The following ZC3H11B variants were observed in gnomAD, a reference collection of about 807,000 sequenced individuals.
ZC3H11B encodes zinc finger CCCH domain-containing protein 11B.
ZC3H11B carries 3 observed loss-of-function variants against 34.0 expected under a neutral mutation model. The observed-to-expected ratio is 0.09, with a 90% CI of 0.04 to 0.23. ZC3H11B has a LOEUF of 0.23. Ranked by LOEUF, ZC3H11B falls within the 10% of genes least tolerant of loss-of-function variation. ZC3H11B has a pLI of 1.00. For synonymous variants in ZC3H11B, 33 were observed against 250.1 expected (o/e 0.13, Z 8.19); for missense variants, 99 against 660.1 (o/e 0.15, Z 9.31).
exon 2 of ZC3H11B, chr1:219,608,329 C>G (rs1667947775): frequency 6.6e-6 from 1 of 152,658 alleles, no homozygotes; most frequent in African/African-American, 2.4e-5. Flanking sequence ...ACTTGAAGTT[C>G]AACTCTTGAT....
exon 2 of ZC3H11B, among the ~76,000 whole-genome samples, chr1:219,608,070 G>A (rs1444027169): frequency 6.6e-6 from 1 of 151,904 alleles, no homozygotes; most frequent in Non-Finnish European, 1.5e-5. Flanking sequence ...TATACAAAAG[G>A]GACCTGGAAT....
At chr1:219,609,875 G>C (rs1476726331) in exon 2 of ZC3H11B, 1 of 1,614,058 alleles carries the variant, frequency 6.2e-7, no homozygotes, top group South Asian at 1.1e-5. Context: ...TGGGTTGGAG[G>C]CAGCACAAGA....
At chr1:219,612,747 G>GAAGATGTCAA (rs1668017941) in intron 1 of ZC3H11B, 184 bp from the exon 2 acceptor site, 1 of 297,962 alleles carries the variant, frequency 3.4e-6, no homozygotes, top group Admixed American at 5.5e-5. Flanking sequence ...AGATGGCCTG[G>GAAGATGTCAA]AAGATGTCAA....
exon 1 of ZC3H11B, chr1:219,612,965 T>C (rs1360449902): frequency 1.3e-5 from 3 of 235,650 alleles, no homozygotes; most frequent in African/African-American, 8.2e-5. Flanking sequence ...TATGTGGAGT[T>C]TGAGACAAGC....
exon 2 of ZC3H11B, chr1:219,608,896 A>G (rs1425604352): frequency 6.6e-6 from 1 of 152,670 alleles, no homozygotes. Flanking sequence ...TCATGTCACC[A>G]TCTCATATAA....
chr1:219,612,784 C>T (rs1187777851), intron 1 of ZC3H11B, 147 bp downstream of exon 1: 9 of 335,994 alleles, frequency 2.7e-5, no homozygotes, highest in Non-Finnish European at 4.6e-5. Flanking sequence ...CACAGGAATC[C>T]GCACCAATTA....
At chr1:219,609,887 T>C (rs1450632465) in exon 2 of ZC3H11B, 1 of 1,614,060 alleles carries the variant, frequency 6.2e-7, no homozygotes, top group African/African-American at 1.3e-5. Flanking sequence ...AGCACAAGAC[T>C]GTCTCTAGGA....
At position 219,610,043 on chromosome 1, in the gene ZC3H11B, C is replaced by A. The variant is rs1667977880; in HGVS notation, c.2020G>T (p.Glu674Ter). The A allele has an allele frequency of 7.6e-7, 1 of 1,311,006 alleles. No homozygotes were observed. The highest frequency in any genetic ancestry group is 1.6e-5 in the African/African-American group (1 of 63,706). The allele number at this position is 1,311,006 out of a possible 1,614,324, so 81.2% of individuals were successfully genotyped here. The change falls in exon 2 of 2, where the codon GAG becomes TAG. Residue 674 changes from glutamate (E) to a stop codon, truncating the protein, a stop_gained. Coordinates refer to ENST00000651890, the Ensembl canonical transcript of ZC3H11B. LOFTEE classifies it high-confidence loss of function. ...GCGGCAGTGACAGCAGGGTGCATCT[C>A]CACTGCCTTACGTTTTGGGGCCAAT...
At chr1:219,608,496 A>C (rs1225757267) in exon 2 of ZC3H11B, 3 of 152,004 alleles carry the variant, frequency 2.0e-5, no homozygotes, top group African/African-American at 7.3e-5. Context: ...TCCTTTCAAG[A>C]CTATTATTTC....
At chr1:219,608,176 C>T (rs1410445804) in exon 2 of ZC3H11B, among the ~76,000 whole-genome samples, 2 of 152,088 alleles carry the variant, frequency 1.3e-5, no homozygotes, top group Admixed American at 1.3e-4. Flanking sequence ...ATACAACATT[C>T]AGTCAGCTGA....
chr1:219,608,120 G>A (rs981703294), exon 2 of ZC3H11B, among the ~76,000 whole-genome samples: 6 of 152,156 alleles, frequency 3.9e-5, no homozygotes, highest in Admixed American at 2.0e-4. Context: ...TAGAAAATCC[G>A]TGGTGAAACC....
chr1:219,609,847 G>A (rs1227013619), exon 2 of ZC3H11B: 1 of 1,613,992 alleles, frequency 6.2e-7, no homozygotes, highest in African/African-American at 1.3e-5. Flanking sequence ...CTCCGGGGGT[G>A]AGGAATCTGA....
chr1:219,608,481 A>T (rs1427319426), exon 2 of ZC3H11B: 2 of 151,990 alleles, frequency 1.3e-5, no homozygotes, highest in African/African-American at 4.9e-5. Flanking sequence ...TATATACAAC[A>T]TATCTCCTTT....
At chr1:219,608,791 C>A (rs1352024347) in exon 2 of ZC3H11B, 1 of 152,580 alleles carries the variant, frequency 6.6e-6, no homozygotes, top group African/African-American at 2.4e-5. Context: ...AAAAAATTAA[C>A]CAAATTTTGT....
chr1:219,608,818 T>C (rs1329609504), exon 2 of ZC3H11B: 2 of 152,672 alleles, frequency 1.3e-5, no homozygotes, highest in Non-Finnish European at 2.9e-5. Context: ...GTTAATTCAA[T>C]GCCAGCAAGG....
chr1:219,611,889 A>G (rs1668006331), exon 2 of ZC3H11B: 1 of 933,714 alleles, frequency 1.1e-6, no homozygotes, highest in Non-Finnish European at 1.7e-6. Flanking sequence ...TGCGTTTTTT[A>G]TCAATCTCCA....
chr1:219,609,868 G>C (rs1318285879), exon 2 of ZC3H11B: 2 of 1,614,052 alleles, frequency 1.2e-6, no homozygotes, highest in Non-Finnish European at 1.7e-6. Flanking sequence ...AGAGGACTGG[G>C]TTGGAGGCAG....
At chr1:219,608,108 A>T (rs970624236) in exon 2 of ZC3H11B, among the ~76,000 whole-genome samples, 3 of 152,144 alleles carry the variant, frequency 2.0e-5, no homozygotes, top group South Asian at 2.1e-4. Context: ...AAGCGAAATA[A>T]GTAGAAAATC....
chr1:219,611,793 A>C (rs1418594113), exon 2 of ZC3H11B: 1 of 1,240,040 alleles, frequency 8.1e-7, no homozygotes, highest in African/African-American at 2.0e-5. Context: ...AAAGGCCATC[A>C]ACATATCGTC....
Sources: gnomAD v4.1 joint callset for allele counts (sites outside exome capture counted in the v4.1 genomes callset) on GRCh38, gnomAD v4.1.1 for gene constraint, MANE v1.5 for transcripts, NCBI Gene and HGNC (gene_info 2026-07-23, HGNC 2026-07-21) for gene names.